The following RBFOX1 variants were observed in gnomAD, a reference collection of about 807,000 sequenced individuals.
RBFOX1 encodes RNA binding protein fox-1 homolog 1.
In RBFOX1, 8 loss-of-function variants were observed where a neutral mutation model predicts 57.7. The ratio of observed to expected loss-of-function variants is 0.14; its 90% CI spans 0.08 to 0.25. RBFOX1 has a LOEUF of 0.25. Ranked by LOEUF, RBFOX1 falls within the 10% of genes least tolerant of loss-of-function variation. The pLI, the probability that RBFOX1 is intolerant of heterozygous loss-of-function variation, is 1.00. For synonymous variants in RBFOX1, 326 were observed against 222.4 expected (o/e 1.47, Z -4.15); for missense variants, 611 against 548.5 (o/e 1.11, Z -1.14).
rs541608267 is a variant in RBFOX1, at chr16:6,787,951, G to A, written c.-16+133301G>A. 3.9e-5 allele frequency among the ~76,000 whole-genome samples: 6 copies of A among 152,200 alleles called. No individual in the cohort carries two copies. In the South Asian group the frequency reaches 6.2e-4, roughly 16 times the overall value. On this transcript the variant is annotated intron_variant, in intron 3 of 15. Transcript: ENST00000550418. ...GTGAAAGGCCAATGAGGCCGGGCAC[G>A]GTGGCTCATGTCTGTAATCCCAGCA...
chr16:7,241,009 A>T (rs970407779), intron 4 of RBFOX1, among the ~76,000 whole-genome samples: 1 of 152,206 alleles, frequency 6.6e-6, no homozygotes, highest in Non-Finnish European at 1.5e-5. Context: ...ATATACAACA[A>T]TATCTGTTCT....
At chr16:6,933,603 C>A (rs896263557) in intron 3 of RBFOX1, among the ~76,000 whole-genome samples, 2 of 152,226 alleles carry the variant, frequency 1.3e-5, no homozygotes, top group African/African-American at 4.8e-5. Flanking sequence ...ATCCCAGCTA[C>A]TCCGGAGGCT....
At chr16:6,384,281 A>G (rs2092081687) in intron 2 of RBFOX1, among the ~76,000 whole-genome samples, 1 of 152,154 alleles carries the variant, frequency 6.6e-6, no homozygotes, top group Admixed American at 6.5e-5. Flanking sequence ...CCTGTTTGAA[A>G]TGTGATTTGA....
intron 1 of RBFOX1, among the ~76,000 whole-genome samples, chr16:6,118,843 C>T (rs1475288358): frequency 6.6e-6 from 1 of 151,148 alleles, no homozygotes; most frequent in Non-Finnish European, 1.5e-5. Flanking sequence ...TCTCTTTCCC[C>T]ATCTTCTTCA....
chr16:6,919,332 A>G (rs9926324), intron 3 of RBFOX1, among the ~76,000 whole-genome samples: 1,695 of 152,254 alleles, frequency 0.011, 34 homozygotes, highest in African/African-American at 0.039. Flanking sequence ...TCCTGTTTAC[A>G]TGTATTAATT....
intron 1 of RBFOX1, chr16:5,366,164 G>T: frequency 2.4e-6 from 1 of 424,376 alleles, no homozygotes; most frequent in South Asian, 1.9e-5. Flanking sequence ...AAGATGCAGA[G>T]TCAGAAGACG....
chr16:6,052,804 T>TATAATAATAATAATA (rs200513769), intron 1 of RBFOX1, among the ~76,000 whole-genome samples: 5,438 of 144,146 alleles, frequency 0.038, 128 homozygotes, highest in African/African-American at 0.05. Flanking sequence ...TAAAATAAAA[T>TATAATAATAATAATA]ATAATAATAA....
chr16:5,723,899 A>G (rs1263294145), intron 3 of RBFOX1, among the ~76,000 whole-genome samples: 2 of 152,232 alleles, frequency 1.3e-5, no homozygotes, highest in Admixed American at 6.5e-5. Flanking sequence ...GCATCTCTTT[A>G]AAGAGCTCAA....
intron 3 of RBFOX1, among the ~76,000 whole-genome samples, chr16:5,613,103 G>A: frequency 6.6e-6 from 1 of 152,280 alleles, no homozygotes; most frequent in East Asian, 1.9e-4. Flanking sequence ...TTTGCATTTT[G>A]TGAAGATTCC....
intron 2 of RBFOX1, among the ~76,000 whole-genome samples, chr16:6,594,277 G>A (rs1205451493): frequency 2.0e-5 from 3 of 152,178 alleles, no homozygotes. Context: ...AGATTTAACA[G>A]AACCATCTAG....
chr16:6,409,328 C>A (rs544043453), intron 2 of RBFOX1, among the ~76,000 whole-genome samples: 2 of 152,094 alleles, frequency 1.3e-5, no homozygotes, highest in Non-Finnish European at 2.9e-5. Context: ...GCAGGAGAAT[C>A]GCTTGAACCT....
At chr16:7,057,549 A>G (rs148248512) in intron 4 of RBFOX1, among the ~76,000 whole-genome samples, 34 of 152,308 alleles carry the variant, frequency 2.2e-4, no homozygotes, top group African/African-American at 6.3e-4. Flanking sequence ...CCTCGTTACA[A>G]ATTCCTGGAA....
chr16:7,213,046 G>A (rs2091435519), intron 4 of RBFOX1, among the ~76,000 whole-genome samples: 1 of 152,152 alleles, frequency 6.6e-6, no homozygotes, highest in Non-Finnish European at 1.5e-5. Flanking sequence ...TAGATGAGCA[G>A]AAGTAAATGA....
chr16:7,383,318 T>C (rs2097816897), intron 4 of RBFOX1, among the ~76,000 whole-genome samples: 1 of 150,036 alleles, frequency 6.7e-6, no homozygotes, highest in South Asian at 2.1e-4. Context: ...CATTTTATAA[T>C]ATAACTTCTC....
intron 3 of RBFOX1, among the ~76,000 whole-genome samples, chr16:5,711,170 T>C (rs2051473467): frequency 6.6e-6 from 1 of 152,206 alleles, no homozygotes; most frequent in Non-Finnish European, 1.5e-5. Context: ...TAGTAAACAC[T>C]TATATAGCAC....
chr16:5,482,697 G>A (rs1281822889), intron 2 of RBFOX1, among the ~76,000 whole-genome samples: 1 of 152,188 alleles, frequency 6.6e-6, no homozygotes, highest in African/African-American at 2.4e-5. Flanking sequence ...GGGGGTGTGT[G>A]TGATCTGTAC....
chr16:5,403,188 T>G (rs1200153766), intron 1 of RBFOX1, among the ~76,000 whole-genome samples: 1 of 151,744 alleles, frequency 6.6e-6, no homozygotes, highest in Admixed American at 6.6e-5. Context: ...CCATCTCTAC[T>G]AAAAACACAA....
intron 1 of RBFOX1, among the ~76,000 whole-genome samples, chr16:5,428,016 T>A (rs931089194): frequency 2.6e-5 from 4 of 152,096 alleles, no homozygotes; most frequent in African/African-American, 7.2e-5. Context: ...GATGCTGCGG[T>A]ATTAATTGTT....
intron 1 of RBFOX1, among the ~76,000 whole-genome samples, chr16:5,338,507 G>GGTA (rs1447446128): frequency 6.6e-6 from 1 of 152,158 alleles, no homozygotes; most frequent in Non-Finnish European, 1.5e-5. Context: ...AGATCCTGAA[G>GGTA]GTAACCTTCT....
Sources: gnomAD v4.1 joint callset for allele counts (sites outside exome capture counted in the v4.1 genomes callset) on GRCh38, gnomAD v4.1.1 for gene constraint, MANE v1.5 for transcripts, NCBI Gene and HGNC (gene_info 2026-07-23, HGNC 2026-07-21) for gene names.